Variants in OBI1 observed in about 807,000 individuals in gnomAD.
OBI1 encodes ORC ubiquitin ligase 1.
A neutral mutation model predicts 62.4 loss-of-function variants in OBI1; 59 were observed. The ratio of observed to expected loss-of-function variants is 0.95; its 90% CI spans 0.77 to 1.17. OBI1 has a LOEUF of 1.17. Among genes scored for constraint, OBI1 ranks in the 50% most tolerant of loss-of-function variants. OBI1 has a pLI of 0.00. For missense variants in OBI1, 875 were observed against 830.9 expected, an observed-to-expected ratio of 1.05 and a Z score of -0.65; for synonymous variants, 302 against 292.8, an observed-to-expected ratio of 1.03 and a Z score of -0.32.
intron 5 of OBI1, 114 bp downstream of exon 5, chr13:78,634,996 C>T (rs1875976074): frequency 3.5e-6 from 2 of 574,858 alleles, no homozygotes; most frequent in Non-Finnish European, 6.0e-6. Flanking sequence ...GCAAGACATT[C>T]TACCTAAATC....
At chr13:78,622,582 T>C (rs1336496152) in intron 5 of OBI1, among the ~76,000 whole-genome samples, 2 of 152,210 alleles carry the variant, frequency 1.3e-5, no homozygotes, top group Non-Finnish European at 2.9e-5. Flanking sequence ...TAGGAAAGTA[T>C]CTTTTCTATT....
Position 78,617,305 on chromosome 13 carries a change from T to A in OBI1, c.639-183A>T, listed in dbSNP as rs76163844. The A allele has an allele frequency of 2.5e-3, 1,248 of 489,448 alleles. 11 individuals carry two copies. Among genetic ancestry groups the A allele is most frequent in the African/African-American group, 0.023 (1,156 of 50,888 alleles). 30.3% of individuals were successfully genotyped at this position (489,448 alleles called of 1,614,324 possible). On this transcript the variant is annotated intron_variant, in intron 5 of 5. Coordinates refer to ENST00000282003, the MANE Select transcript of OBI1 (RefSeq NM_024546.4). ...AATGGTTTCCCCACTTACATAATAA[T>A]AAACATATGATAATAATAGCAAAAC...
chr13:78,629,269 AAAGACAC>A (rs1344465823), intron 5 of OBI1, among the ~76,000 whole-genome samples: 3 of 152,142 alleles, frequency 2.0e-5, no homozygotes, highest in African/African-American at 7.2e-5. Context: ...AGATCTCACT[AAAGACAC>A]AATGACAGAA....
chr13:78,649,083 G>C (rs1184448070), intron 1 of OBI1, among the ~76,000 whole-genome samples: 3 of 152,132 alleles, frequency 2.0e-5, no homozygotes, highest in African/African-American at 7.2e-5. Flanking sequence ...TAAAAATCAA[G>C]AATTCTGTTT....
Position 78,644,893 on chromosome 13 carries a change from G to A in OBI1, c.177C>T (p.Ile59=), listed in dbSNP as rs1162792961. Reference sequence around the variant, plus strand: ...TTTCTTTGCAAGGATTTTCAGGAGTGATGGGGACTCTGCAAGCTGGACACT... The same window carrying A: ...TTTCTTTGCAAGGATTTTCAGGAGTAATGGGGACTCTGCAAGCTGGACACT... ...NSQCPACRVP[I]TPENPCKEII... Residue 59 remains isoleucine (I), a synonymous_variant, in exon 2 of 6, where the codon ATC becomes ATT. Coordinates refer to ENST00000282003, the MANE Select transcript of OBI1 (RefSeq NM_024546.4). 6.2e-7 allele frequency: 1 copy of A among 1,613,984 alleles called. No individual in the cohort carries two copies. The highest frequency in any genetic ancestry group is 1.1e-5 in the South Asian group (1 of 91,066).
chr13:78,633,026 C>T (rs891978460), intron 5 of OBI1, among the ~76,000 whole-genome samples: 6 of 152,178 alleles, frequency 3.9e-5, no homozygotes, highest in African/African-American at 1.4e-4. Flanking sequence ...AAACACACAT[C>T]CTTGTGGCTG....
At position 78,652,361 on chromosome 13, in the gene OBI1, A is replaced by T. The variant is rs77617163; in HGVS notation, c.72+6688T>A. On this transcript the variant is annotated intron_variant, in intron 1 of 5. Transcript: ENST00000282003. ...CAGATCCTGCTCTGGGTAGAACAAA[A>T]CACACACATAATTTTCTTTAATAAG... Among the ~76,000 whole-genome samples, 63 of 151,882 alleles carry T rather than the reference A, an allele frequency of 4.1e-4. No homozygotes were observed. In the East Asian group the frequency reaches 0.011, roughly 27 times the overall value.
chr13:78,616,871 C>G lies in OBI1; in HGVS notation c.890G>C (p.Ser297Thr). 5 of 1,614,226 alleles carry G rather than the reference C, an allele frequency of 3.1e-6. No individual in the cohort carries two copies. In the South Asian group the frequency reaches 5.5e-5, roughly 18 times the overall value. ...GGATGAGCCAGGCTGCTTTCTGGCA[C>G]TATCGCCTTGATTCTTTGACACCAC... ...EDVVSKNQGD[S>T]ARKQPGSSTS... Residue 297 changes from serine (S) to threonine (T), a missense_variant, in exon 6 of 6, where the codon AGT (serine) becomes ACT (threonine). By Grantham distance (58) the Ser-to-Thr change is moderately conservative. Coordinates refer to ENST00000282003, the MANE Select transcript of OBI1 (RefSeq NM_024546.4).
chr13:78,641,738 T>C (rs1876221616), intron 3 of OBI1, among the ~76,000 whole-genome samples: 2 of 151,590 alleles, frequency 1.3e-5, no homozygotes. Flanking sequence ...ACTGCAGAGG[T>C]CAGACTGGCT....
Position 78,616,055 on chromosome 13 carries a change from T to A in OBI1, c.1706A>T (p.Lys569Met). 6.2e-7 allele frequency: 1 copy of A among 1,614,186 alleles called. No homozygotes were observed. The highest frequency in any genetic ancestry group is 8.5e-7 in the Non-Finnish European group (1 of 1,180,026). The change falls in exon 6 of 6, where the codon AAG becomes ATG. Residue 569 changes from lysine to methionine, a missense_variant. Lys to Met is a moderately conservative substitution (Grantham distance 95, BLOSUM62 -1). Transcript: ENST00000282003. ...AAGAAATTCACTGCCTTGAGATGACTTTGATAACCCATCCAAATCCAGTGA... is the reference window on the plus strand; with the variant it reads ...AAGAAATTCACTGCCTTGAGATGACATTGATAACCCATCCAAATCCAGTGA... ...FKSLDLDGLS[K>M]SSQGSEFLEE...
Position 78,616,686 on chromosome 13 carries a change from T to C in OBI1, c.1075A>G (p.Ser359Gly), listed in dbSNP as rs754413861. ...TCTCTTTCCAAATAAGTATCCATAC[T>C]TGTATCTGTCACATCTAACATTACT... is the stretch of plus-strand genomic sequence containing the variant. Reference protein sequence around the residue: ...VEVMLDVTDTSMDTYLEREWG... With the variant: ...VEVMLDVTDTGMDTYLEREWG... Residue 359 changes from serine (S) to glycine (G), a missense_variant, in exon 6 of 6, where the codon AGT becomes GGT. By Grantham distance (56) the Ser-to-Gly change is moderately conservative (BLOSUM62 0). Transcript: ENST00000282003. The C allele has an allele frequency of 6.2e-7, 1 of 1,614,220 alleles. No individual in the cohort carries two copies. The highest frequency in any genetic ancestry group is 8.5e-7 in the Non-Finnish European group (1 of 1,180,030).
Position 78,616,534 on chromosome 13 carries a change from AG to A in OBI1, c.1226del (p.Ser409LeufsTer39). On this transcript the variant is annotated frameshift_variant, in exon 6 of 6. Transcript: ENST00000282003. LOFTEE classifies it high-confidence loss of function. The part of the protein sequence containing the change: ...QLSTPENRES[S>X]VVQAGGSKKH... ...TTTTGGAACCTCCTGCTTGGACCAC[AG>A]AGCTCTCTCTATTTTCTGGAGTACT... The A allele has an allele frequency of 6.2e-7, 1 of 1,614,080 alleles. No homozygotes were observed. Among genetic ancestry groups the A allele is most frequent in the East Asian group, 2.2e-5 (1 of 44,868 alleles).
intron 3 of OBI1, among the ~76,000 whole-genome samples, chr13:78,641,306 A>G (rs1325122867): frequency 6.6e-6 from 1 of 152,206 alleles, no homozygotes; most frequent in Non-Finnish European, 1.5e-5. Flanking sequence ...TAAAACAAGC[A>G]AATTCATATA....
chr13:78,627,520 T>C (rs1045758917), intron 5 of OBI1, among the ~76,000 whole-genome samples: 1 of 152,152 alleles, frequency 6.6e-6, no homozygotes, highest in East Asian at 1.9e-4. Context: ...AGTGAGAACA[T>C]GTGATGTTTA....
chr13:78,626,350 G>A (rs73230989), intron 5 of OBI1, among the ~76,000 whole-genome samples: 117 of 152,170 alleles, frequency 7.7e-4, no homozygotes, highest in Non-Finnish European at 1.1e-3. Flanking sequence ...ACATATATAC[G>A]TATTTTGTAC....
rs771613957 is a variant in OBI1 at position 78,616,448 on chromosome 13, G to A, written c.1313C>T (p.Ser438Phe). 7.4e-6 allele frequency: 12 copies of A among 1,613,152 alleles called. No individual in the cohort carries two copies. In the African/African-American group the frequency reaches 1.2e-4, roughly 16 times the overall value. The change falls in exon 6 of 6, where the codon TCT becomes TTT. Residue 438 changes from serine to phenylalanine, a missense_variant. Transcript: ENST00000282003. ...FDDFCDSSNVSNKDSSEDDIS... is the reference protein window; with the variant it reads ...FDDFCDSSNVFNKDSSEDDIS... Reference sequence around the variant, plus strand: ...ATCATCTTCTGAAGAATCTTTATTAGAAACATTTGAAGAATCACAAAAATC... The same window carrying A: ...ATCATCTTCTGAAGAATCTTTATTAAAAACATTTGAAGAATCACAAAAATC...
In OBI1 at chr13:78,652,621, G is replaced by A. The variant is rs560534406; in HGVS notation, c.72+6428C>T. Among the ~76,000 whole-genome samples, 8 of 152,258 alleles carry A rather than the reference G, an allele frequency of 5.3e-5. No homozygotes were observed. In the East Asian group the frequency reaches 5.8e-4, roughly 11 times the overall value. On this transcript the variant is annotated intron_variant, in intron 1 of 5. Coordinates refer to ENST00000282003, the MANE Select transcript of OBI1 (RefSeq NM_024546.4). ...CTTTTTGGCACTAGGGACTGGTTTCGTGGAAGATAATTTTTCCACAGACTG... is the reference window on the plus strand; with the variant it reads ...CTTTTTGGCACTAGGGACTGGTTTCATGGAAGATAATTTTTCCACAGACTG...
chr13:78,623,201 A>G (rs1354230253), intron 5 of OBI1, among the ~76,000 whole-genome samples: 1 of 151,722 alleles, frequency 6.6e-6, no homozygotes, highest in African/African-American at 2.4e-5. Flanking sequence ...AGTACTATCT[A>G]TGGTCAATCC....
intron 5 of OBI1, among the ~76,000 whole-genome samples, chr13:78,627,294 CTGTTT>C (rs1400762766): frequency 9.7e-5 from 14 of 144,894 alleles, no homozygotes; most frequent in African/African-American, 3.6e-4. Flanking sequence ...CCACCTCTAC[CTGTTT>C]TATTTATTCT....
Sources: gnomAD v4.1 joint callset for allele counts (sites outside exome capture counted in the v4.1 genomes callset) on GRCh38, gnomAD v4.1.1 for gene constraint, MANE v1.5 for transcripts, NCBI Gene and HGNC (gene_info 2026-07-23, HGNC 2026-07-21) for gene names.